GPR89B: variants seen among roughly 807,000 people sequenced by gnomAD.
GPR89B encodes the protein golgi pH regulator B.
A neutral mutation model predicts 52.4 loss-of-function variants in GPR89B; 25 were observed. The observed-to-expected ratio is 0.48, with a 90% CI of 0.35 to 0.67. The LOEUF (loss-of-function observed/expected upper bound fraction) is 0.67, where lower values mean the gene tolerates loss of function less well. Among genes scored for constraint, GPR89B ranks in the 30% least tolerant of loss-of-function variants. The probability of loss-of-function intolerance (pLI) is 0.01; values close to 1 mark genes in which losing one functional copy is unlikely to be tolerated. For missense variants in GPR89B, 146 were observed against 450.2 expected, an observed-to-expected ratio of 0.32 and a Z score of 6.11; for synonymous variants, 52 against 151.2, an observed-to-expected ratio of 0.34 and a Z score of 4.81.
intron 1 of GPR89B, among the ~76,000 whole-genome samples, chr1:147,935,968 T>G (rs1654048287): frequency 2.0e-5 from 3 of 152,186 alleles, no homozygotes; most frequent in Admixed American, 2.0e-4. Context: ...GTATTATTTT[T>G]AAATACTTGC....
At chr1:147,962,022 A>G (rs1656611377) in intron 7 of GPR89B, among the ~76,000 whole-genome samples, 1 of 151,952 alleles carries the variant, frequency 6.6e-6, no homozygotes, top group Admixed American at 6.6e-5. Flanking sequence ...AAAGAACAGT[A>G]TGAGAGGAAT....
chr1:147,997,213 A>G (rs1399566664), downstream of GPR89B, among the ~76,000 whole-genome samples: 6 of 152,098 alleles, frequency 3.9e-5, no homozygotes. Flanking sequence ...AAAAAGTAAA[A>G]CACAAGACAC....
chr1:147,983,987 C>T (rs1464635000), intron 10 of GPR89B, among the ~76,000 whole-genome samples: 1 of 151,384 alleles, frequency 6.6e-6, no homozygotes, highest in Non-Finnish European at 1.5e-5. Context: ...CCATGGAATA[C>T]TATGCAGCCA....
At chr1:148,014,464 G>C in the GPR89B span, 1 of 150,090 alleles carries the variant, frequency 6.7e-6, no homozygotes, top group Non-Finnish European at 1.5e-5. Flanking sequence ...ACACCACCGC[G>C]GACGAGGGCC....
intron 12 of GPR89B, 48 bp from the exon 13 acceptor site, chr1:147,992,454 C>T (rs1659138145): frequency 2.5e-6 from 4 of 1,597,938 alleles, no homozygotes; most frequent in African/African-American, 2.7e-5. Context: ...GTTCGTGACA[C>T]AGGAATCTAA....
chr1:148,013,341 C>A, the GPR89B span, among the ~76,000 whole-genome samples: 1 of 152,166 alleles, frequency 6.6e-6, no homozygotes, highest in Non-Finnish European at 1.5e-5. Context: ...CGGCCGCCTT[C>A]TTCCAGGAAG....
chr1:148,024,289 T>C, the GPR89B span: 1 of 151,864 alleles, frequency 6.6e-6, no homozygotes, highest in Non-Finnish European at 1.5e-5. Context: ...GGAAGTATTC[T>C]AGGCTTGTGA....
At chr1:147,970,480 G>A (rs1252409068) in intron 10 of GPR89B, among the ~76,000 whole-genome samples, 53 of 129,638 alleles carry the variant, frequency 4.1e-4, no homozygotes, top group African/African-American at 1.3e-3. Flanking sequence ...CTGGGGAGAG[G>A]GTGAGACTCC....
intron 10 of GPR89B, among the ~76,000 whole-genome samples, chr1:147,980,315 GT>G (rs1227454172): frequency 3.3e-5 from 4 of 122,726 alleles, no homozygotes; most frequent in African/African-American, 6.8e-5. Flanking sequence ...TGGGCCTGGA[GT>G]TTTCTTTGCA....
intron 7 of GPR89B, among the ~76,000 whole-genome samples, chr1:147,954,902 T>C (rs1198267338): frequency 1.3e-5 from 2 of 152,040 alleles, no homozygotes; most frequent in Non-Finnish European, 2.9e-5. Flanking sequence ...TATTTTTTTG[T>C]GGTGAAAACA....
intron 11 of GPR89B, among the ~76,000 whole-genome samples, chr1:147,987,133 G>T (rs1658725033): frequency 6.6e-6 from 1 of 152,206 alleles, no homozygotes; most frequent in African/African-American, 2.4e-5. Context: ...ACAGCTCAAT[G>T]TACATGTTTC....
chr1:147,985,325 T>C (rs1182133223), intron 10 of GPR89B, among the ~76,000 whole-genome samples: 2 of 152,168 alleles, frequency 1.3e-5, no homozygotes, highest in African/African-American at 2.4e-5. Context: ...TCTGTCCTTT[T>C]ACTTTTAACC....
rs587749644 is a variant in GPR89B at position 147,945,251 on chromosome 1, T to C, written c.415+1153T>C. 3.5e-3 allele frequency among the ~76,000 whole-genome samples: 498 copies of C among 143,372 alleles called. 1 individual carries two copies. The highest frequency in any genetic ancestry group is 4.9e-3 in the Non-Finnish European group (322 of 66,080). The allele number at this position is 143,372 out of a possible 152,430, so 94.1% of individuals were successfully genotyped here. On this transcript the variant is annotated intron_variant, in intron 5 of 13. Transcript: ENST00000314163. ...TCTGAGGCCTCACATGGGCCGGGTT[T>C]TTTGGTGAAACCTAGGTAATATTTA...
chr1:148,008,366 C>T, the GPR89B span, among the ~76,000 whole-genome samples: 2 of 152,034 alleles, frequency 1.3e-5, no homozygotes, highest in African/African-American at 4.8e-5. Context: ...TAAGACGTGC[C>T]AAGCTTCCTT....
intron 3 of GPR89B, among the ~76,000 whole-genome samples, chr1:147,942,585 T>C (rs1322027083): frequency 6.6e-6 from 1 of 151,486 alleles, no homozygotes; most frequent in African/African-American, 2.4e-5. Context: ...AGAAACAAAA[T>C]ATAATATATC....
rs1657224226 is a variant in GPR89B at position 147,968,868 on chromosome 1, G to A, written c.728-7G>A. 6.2e-7 allele frequency: 1 copy of A among 1,612,442 alleles called. No individual in the cohort carries two copies. Among genetic ancestry groups the A allele is most frequent in the Admixed American group, 1.7e-5 (1 of 59,942 alleles). On this transcript the variant is annotated splice_polypyrimidine_tract_variant and splice_region_variant and intron_variant, in intron 8 of 13. Coordinates refer to ENST00000314163, the MANE Select transcript of GPR89B (RefSeq NM_016334.5). ...TGATTAAAACCTTGATGCCCATTCT[G>A]TGCCAGATCTTACTCTTATTCAACA... is the stretch of plus-strand genomic sequence containing the variant.
chr1:147,977,233 CAAAAAAAAAAAAAAA>C (rs1191631857), intron 10 of GPR89B, among the ~76,000 whole-genome samples: 11 of 41,326 alleles, frequency 2.7e-4, no homozygotes, highest in South Asian at 1.9e-3. Flanking sequence ...GACTCCATCT[CAAAAAAAAAAAAAAA>C]AAAAAAAAAA....
intron 8 of GPR89B, 130 bp from the exon 9 acceptor site, chr1:147,968,745 T>C: frequency 6.9e-7 from 1 of 1,457,512 alleles, no homozygotes; most frequent in Admixed American, 1.7e-5. Context: ...TTGCTGGCTA[T>C]GAAACAGGAA....
chr1:148,012,294 G>A, the GPR89B span: 1 of 151,596 alleles, frequency 6.6e-6, no homozygotes, highest in Admixed American at 6.6e-5. Context: ...GAGGGAGGGA[G>A]GAGTAGGAGT....
Sources: gnomAD v4.1 joint callset for allele counts (sites outside exome capture counted in the v4.1 genomes callset) on GRCh38, gnomAD v4.1.1 for gene constraint, MANE v1.5 for transcripts, NCBI Gene and HGNC (gene_info 2026-07-23, HGNC 2026-07-21) for gene names.